Variants in CDH13 observed in about 807,000 individuals in gnomAD.
The protein encoded by CDH13 is cadherin-13.
In CDH13, 24 loss-of-function variants were observed where a neutral mutation model predicts 63.8. The ratio of observed to expected loss-of-function variants is 0.38; its 90% CI spans 0.27 to 0.53. CDH13 has a LOEUF of 0.53. Among genes scored for constraint, CDH13 ranks in the 20% least tolerant of loss-of-function variants. The probability of loss-of-function intolerance (pLI) is 0.85; values close to 1 mark genes in which losing one functional copy is unlikely to be tolerated. For missense variants in CDH13, 1,049 were observed against 903.1 expected, an observed-to-expected ratio of 1.16 and a Z score of -2.07; for synonymous variants, 503 against 355.3, an observed-to-expected ratio of 1.42 and a Z score of -4.67.
intron 4 of CDH13, among the ~76,000 whole-genome samples, chr16:83,184,115 CACACACACACAT>C (rs1215380580): frequency 4.7e-5 from 7 of 147,640 alleles, no homozygotes; most frequent in South Asian, 2.2e-4. Flanking sequence ...CACACACACA[CACACACACACAT>C]ACACACACAC....
In CDH13 at chr16:83,014,804, G is replaced by GTATA. The variant is rs1234603835; in HGVS notation, c.158-17200_158-17197dup. ...TATATATATATTTGTATATATATATGTATATATATTTGTATATATATATTT... is the reference window on the plus strand; with the variant it reads ...TATATATATATTTGTATATATATATGTATATATATATATTTGTATATATATATTT... On this transcript the variant is annotated intron_variant, in intron 2 of 13. Coordinates refer to ENST00000567109, the MANE Select transcript of CDH13 (RefSeq NM_001257.5). Among the ~76,000 whole-genome samples the GTATA allele has an allele frequency of 2.1e-3, 113 of 52,698 alleles. 3 individuals carry two copies. The highest frequency in any genetic ancestry group is 0.026 in the Middle Eastern group (2 of 78). 34.6% of individuals were successfully genotyped at this position (52,698 alleles called of 152,430 possible).
intron 1 of CDH13, among the ~76,000 whole-genome samples, chr16:82,710,552 A>AAAATATATATAT (rs60196638): frequency 1.3e-4 from 8 of 63,776 alleles, no homozygotes; most frequent in African/African-American, 4.1e-4. Context: ...AAAAAAAAAA[A>AAAATATATATAT]ATATATATAT....
chr16:82,772,346 T>G (rs7202135), intron 1 of CDH13, among the ~76,000 whole-genome samples: 2 of 152,024 alleles, frequency 1.3e-5, no homozygotes, highest in Middle Eastern at 3.2e-3. Context: ...GCAAAGAAAA[T>G]CTAGGGGATG....
At chr16:83,662,816 C>T (rs1259620496) in intron 8 of CDH13, among the ~76,000 whole-genome samples, 2 of 152,182 alleles carry the variant, frequency 1.3e-5, no homozygotes, top group Non-Finnish European at 2.9e-5. Flanking sequence ...CTGCTCAAGG[C>T]AGCTGGAGTG....
At chr16:82,921,709 A>T (rs2216736) in intron 2 of CDH13, among the ~76,000 whole-genome samples, 56,475 of 151,762 alleles carry the variant, frequency 0.37, 11,684 homozygotes, top group Non-Finnish European at 0.47. Flanking sequence ...TTTTTTCTTT[A>T]GATATCTTTA....
intron 2 of CDH13, among the ~76,000 whole-genome samples, chr16:82,993,689 C>T (rs1380480058): frequency 6.6e-6 from 1 of 152,156 alleles, no homozygotes. Flanking sequence ...CTTAGCTGAA[C>T]ACGTGTTACA....
intron 4 of CDH13, among the ~76,000 whole-genome samples, chr16:83,132,534 G>C (rs575664740): frequency 1.7e-4 from 23 of 136,442 alleles, no homozygotes; most frequent in Admixed American, 1.1e-3. Context: ...TGCAACGTCC[G>C]CCTCCCAGCT....
intron 5 of CDH13, among the ~76,000 whole-genome samples, chr16:83,288,691 G>A (rs910800813): frequency 5.9e-5 from 9 of 152,106 alleles, no homozygotes; most frequent in South Asian, 2.1e-4. Context: ...CCAAAGAATC[G>A]TCAGCAAATA....
intron 3 of CDH13, among the ~76,000 whole-genome samples, chr16:83,111,761 A>C (rs992853155): frequency 1.1e-4 from 17 of 152,242 alleles, no homozygotes; most frequent in Non-Finnish European, 1.8e-4. Flanking sequence ...ACTTGGCTTC[A>C]ACAAGAATTC....
At chr16:82,775,440 G>A (rs764003517) in intron 1 of CDH13, among the ~76,000 whole-genome samples, 5 of 152,262 alleles carry the variant, frequency 3.3e-5, no homozygotes, top group Non-Finnish European at 5.9e-5. Flanking sequence ...AAAATGGTGT[G>A]GGATCACACT....
At position 83,451,933 on chromosome 16, in the gene CDH13, A is replaced by G. The variant is rs1354150947; in HGVS notation, c.782-34544A>G. 2.6e-5 allele frequency among the ~76,000 whole-genome samples: 4 copies of G among 152,172 alleles called. No individual in the cohort carries two copies. The East Asian group carries it at 7.7e-4, about 29-fold the overall frequency. ...CTTCAGTGCATCTGGTATGTGTGTGAATTGGACCCAGCTCAGGGATTTTGC... is the reference window on the plus strand; with the variant it reads ...CTTCAGTGCATCTGGTATGTGTGTGGATTGGACCCAGCTCAGGGATTTTGC... On this transcript the variant is annotated intron_variant, in intron 6 of 13. Transcript: ENST00000567109.
At chr16:82,636,011 G>A (rs1196148324) in intron 1 of CDH13, among the ~76,000 whole-genome samples, 1 of 152,092 alleles carries the variant, frequency 6.6e-6, no homozygotes, top group Non-Finnish European at 1.5e-5. Flanking sequence ...ACAGCATGCA[G>A]AAGCAAGCCA....
At chr16:83,745,927 G>C (rs1204882251) in intron 10 of CDH13, among the ~76,000 whole-genome samples, 1 of 152,142 alleles carries the variant, frequency 6.6e-6, no homozygotes, top group Admixed American at 6.5e-5. Context: ...CACCCACCCT[G>C]AGTCACTAAG....
chr16:82,968,803 G>A (rs546253609), intron 2 of CDH13, among the ~76,000 whole-genome samples: 2 of 152,258 alleles, frequency 1.3e-5, no homozygotes, highest in East Asian at 1.9e-4. Flanking sequence ...TTTCACAAAT[G>A]GGTTTTTACA....
intron 1 of CDH13, among the ~76,000 whole-genome samples, chr16:82,767,677 G>A (rs527278858): frequency 6.6e-6 from 1 of 152,164 alleles, no homozygotes; most frequent in East Asian, 1.9e-4. Context: ...CCTTCCTCTG[G>A]AGATCAGCTC....
intron 4 of CDH13, among the ~76,000 whole-genome samples, chr16:83,126,894 C>T (rs1249280639): frequency 6.6e-6 from 1 of 152,012 alleles, no homozygotes; most frequent in African/African-American, 2.4e-5. Context: ...AAGAACATTG[C>T]AGAGTATGAC....
chr16:83,348,237 C>G (rs1190310271), intron 6 of CDH13, among the ~76,000 whole-genome samples: 1 of 152,160 alleles, frequency 6.6e-6, no homozygotes, highest in Non-Finnish European at 1.5e-5. Context: ...GGTCTGCTCT[C>G]TTGTTTCCAT....
rs1416892881 is a variant in CDH13 at position 83,744,668 on chromosome 16, C to CACCCAT, written c.1539-3438_1539-3433dup. On this transcript the variant is annotated intron_variant, in intron 10 of 13. Coordinates refer to ENST00000567109, the MANE Select transcript of CDH13 (RefSeq NM_001257.5). ...CCATGACCCCAGTGAGCCATTAACACACCCATAGCCTGACTCTGCAACGGC... is the reference window on the plus strand; with the variant it reads ...CCATGACCCCAGTGAGCCATTAACACACCCATACCCATAGCCTGACTCTGCAACGGC... 7.9e-5 allele frequency among the ~76,000 whole-genome samples: 12 copies of CACCCAT among 152,332 alleles called. No homozygotes were observed. The South Asian group carries it at 8.3e-4, about 11-fold the overall frequency.
At chr16:83,777,074 C>G (rs1025141619) in intron 11 of CDH13, among the ~76,000 whole-genome samples, 1 of 152,200 alleles carries the variant, frequency 6.6e-6, no homozygotes, top group African/African-American at 2.4e-5. Flanking sequence ...GCTTGATCAC[C>G]AAGAAAAGAC....
Sources: allele counts gnomAD v4.1 joint callset (sites outside exome capture counted in the v4.1 genomes callset), GRCh38; gene constraint gnomAD v4.1.1; transcripts MANE v1.5; gene names NCBI Gene and HGNC (gene_info 2026-07-23, HGNC 2026-07-21).